The following RBFOX3 variants were observed in gnomAD, a reference collection of about 807,000 sequenced individuals.
RBFOX3 encodes RNA binding fox-1 homolog 3.
Under a neutral mutation model 48.7 loss-of-function variants are expected in RBFOX3, and 17 were observed. That is an observed-to-expected ratio of 0.35 (90% confidence interval 0.24 to 0.52). The LOEUF (loss-of-function observed/expected upper bound fraction) is 0.52. RBFOX3 is among the 20% of genes least tolerant of loss of function. The pLI, the probability that RBFOX3 is intolerant of heterozygous loss-of-function variation, is 0.94. For missense variants in RBFOX3, 382 were observed against 497.5 expected, an observed-to-expected ratio of 0.77 and a Z score of 2.21; for synonymous variants, 212 against 209.5, an observed-to-expected ratio of 1.01 and a Z score of -0.10.
In RBFOX3 at chr17:79,094,477, C is replaced by T. The variant is rs1003593947; in HGVS notation, c.1051G>A (p.Ala351Thr). The T allele has an allele frequency of 7.1e-6, 10 of 1,415,172 alleles. No individual in the cohort carries two copies. The Admixed American group carries it at 1.4e-4, about 19-fold the overall frequency. The allele number at this position is 1,415,172 out of a possible 1,614,324, so 87.7% of individuals were successfully genotyped here. ...ADPYHHTIGP[A>T]ATYSIGTM is the part of the protein sequence containing the mutation. ...ATGGTTCCAATGCTGTAGGTCGCCG[C>T]GGGCCCGATGGTGTGATGGTACGGG... The change falls in exon 14 of 15, where the codon GCG becomes ACG. Residue 351 changes from alanine (A) to threonine (T), a missense_variant. Transcript: ENST00000693108.
At chr17:79,444,917 C>T (rs1276766531) in intron 2 of RBFOX3, among the ~76,000 whole-genome samples, 1 of 152,096 alleles carries the variant, frequency 6.6e-6, no homozygotes, top group Non-Finnish European at 1.5e-5. Context: ...AAGAAACCCA[C>T]ACCCATTCAC....
At chr17:79,622,472 T>C in the RBFOX3 span, among the ~76,000 whole-genome samples, 1 of 152,086 alleles carries the variant, frequency 6.6e-6, no homozygotes, top group Non-Finnish European at 1.5e-5. Flanking sequence ...CAGGTCTGAG[T>C]TGGCTCAGGC....
the RBFOX3 span, among the ~76,000 whole-genome samples, chr17:79,620,880 T>C: frequency 1.3e-5 from 2 of 152,288 alleles, no homozygotes; most frequent in East Asian, 3.9e-4. Context: ...CACTGTGACG[T>C]CCTTAGCTGC....
rs60584351 is a variant in RBFOX3 at position 79,173,219 on chromosome 17, A to AATAC, written c.-33-57475_-33-57472dup. Among the ~76,000 whole-genome samples, 20 of 150,710 alleles carry AATAC rather than the reference A, an allele frequency of 1.3e-4. 1 individual carries two copies. Among genetic ancestry groups the AATAC allele is most frequent in the South Asian group, 6.3e-4 (3 of 4,732 alleles). On this transcript the variant is annotated intron_variant, in intron 4 of 14. Transcript: ENST00000693108. ...AACGAGACTGTCAAATAAATAAATAAATACATACATACATACATACGTACA... is the reference window on the plus strand; with the variant it reads ...AACGAGACTGTCAAATAAATAAATAAATACATACATACATACATACATACGTACA...
At position 79,582,263 on chromosome 17, in the gene RBFOX3, C is replaced by T. The variant is rs1214879673; in HGVS notation, c.-320+28563G>A. Among the ~76,000 whole-genome samples, 6 of 150,658 alleles carry T rather than the reference C, an allele frequency of 4.0e-5. 1 individual carries two copies. The highest frequency in any genetic ancestry group is 1.5e-4 in the African/African-American group (6 of 40,208). On this transcript the variant is annotated intron_variant, in intron 1 of 14. Transcript: ENST00000693108. Reference sequence around the variant, plus strand: ...CTGCCCATGTATGTGCCTGTGTATGCATGCATGTGCCTGTGTGTGCATCTG... The same window carrying T: ...CTGCCCATGTATGTGCCTGTGTATGTATGCATGTGCCTGTGTGTGCATCTG...
intron 2 of RBFOX3, among the ~76,000 whole-genome samples, chr17:79,360,640 T>C (rs1174037789): frequency 6.6e-6 from 1 of 152,002 alleles, no homozygotes; most frequent in East Asian, 1.9e-4. Flanking sequence ...AATCAGACCA[T>C]TAAAAAAAAC....
chr17:79,112,059 C>T (rs1030367650), intron 5 of RBFOX3, among the ~76,000 whole-genome samples: 4 of 152,226 alleles, frequency 2.6e-5, no homozygotes, highest in African/African-American at 2.4e-5. Flanking sequence ...TGAGCAGAGA[C>T]GCCCCTGCCC....
intron 1 of RBFOX3, among the ~76,000 whole-genome samples, chr17:79,530,382 G>C (rs902286659): frequency 3.3e-5 from 5 of 152,204 alleles, no homozygotes; most frequent in African/African-American, 1.2e-4. Flanking sequence ...TCCACCAACA[G>C]AGCGTTCTTG....
chr17:79,582,065 TGTGCCTGTGC>T (rs1267236038), intron 1 of RBFOX3, among the ~76,000 whole-genome samples: 6 of 150,346 alleles, frequency 4.0e-5, no homozygotes, highest in Non-Finnish European at 8.9e-5. Context: ...TGCCCATGTA[TGTGCCTGTGC>T]GTGCCTGTGT....
chr17:79,422,188 A>G (rs1598621920), intron 2 of RBFOX3, among the ~76,000 whole-genome samples: 1 of 151,726 alleles, frequency 6.6e-6, no homozygotes, highest in Admixed American at 6.6e-5. Flanking sequence ...GAAGGGAGAC[A>G]GGGAAACAGG....
intron 1 of RBFOX3, among the ~76,000 whole-genome samples, chr17:79,587,587 G>A (rs2093291535): frequency 1.3e-5 from 2 of 152,218 alleles, no homozygotes; most frequent in South Asian, 2.1e-4. Flanking sequence ...ACTCAGCCAG[G>A]ACCCTCAGCC....
rs189433760 is a variant in RBFOX3, at chr17:79,427,236, T to A, written c.-175+55218A>T. Reference sequence around the variant, plus strand: ...GATCCCAATCTGTCCGGGGAAGCAGTGCGGCCAGGGAGGCTCCATTCCACA... The same window carrying A: ...GATCCCAATCTGTCCGGGGAAGCAGAGCGGCCAGGGAGGCTCCATTCCACA... On this transcript the variant is annotated intron_variant, in intron 2 of 14. Coordinates refer to ENST00000693108, the MANE Select transcript of RBFOX3 (RefSeq NM_001350451.2). Among the ~76,000 whole-genome samples the A allele has an allele frequency of 3.6e-3, 548 of 152,264 alleles. 2 individuals are homozygous for A. Among genetic ancestry groups the A allele is most frequent in the African/African-American group, 0.013 (524 of 41,542 alleles).
the RBFOX3 span, among the ~76,000 whole-genome samples, chr17:79,660,487 T>A: frequency 1.1e-4 from 16 of 152,058 alleles, no homozygotes; most frequent in Admixed American, 6.6e-4. Context: ...AGGCAAGAGA[T>A]ATGAACAGAC....
intron 1 of RBFOX3, among the ~76,000 whole-genome samples, chr17:79,587,000 AT>A (rs2093270517): frequency 1.3e-5 from 2 of 152,254 alleles, no homozygotes; most frequent in African/African-American, 2.4e-5. Context: ...TGGAGGTAAA[AT>A]AAAAAATAGA....
chr17:79,549,579 C>T (rs1555792991), intron 1 of RBFOX3, among the ~76,000 whole-genome samples: 3 of 152,248 alleles, frequency 2.0e-5, no homozygotes, highest in Non-Finnish European at 4.4e-5. Context: ...TGATTCCAGC[C>T]TCCCACCCAA....
chr17:79,567,180 C>CTTTTTTTTTTTTT (rs1159762873), intron 1 of RBFOX3, among the ~76,000 whole-genome samples: 3 of 92,076 alleles, frequency 3.3e-5, no homozygotes, highest in Non-Finnish European at 6.1e-5. Flanking sequence ...TTCTTTCTTT[C>CTTTTTTTTTTTTT]TTTTTTTTTT....
At chr17:79,238,526 C>T (rs1390057558) in intron 3 of RBFOX3, among the ~76,000 whole-genome samples, 1 of 152,212 alleles carries the variant, frequency 6.6e-6, no homozygotes, top group African/African-American at 2.4e-5. Flanking sequence ...AGGCTCTATG[C>T]CCAAGCCCTT....
At chr17:79,137,494 G>A (rs558976834) in intron 4 of RBFOX3, among the ~76,000 whole-genome samples, 5 of 152,274 alleles carry the variant, frequency 3.3e-5, no homozygotes, top group East Asian at 3.9e-4. Context: ...CGCCTGCAGT[G>A]ATCGTGCACG....
intron 2 of RBFOX3, among the ~76,000 whole-genome samples, chr17:79,420,403 G>A (rs557218331): frequency 1.3e-5 from 2 of 152,306 alleles, no homozygotes; most frequent in East Asian, 1.9e-4. Flanking sequence ...CCCCACCCAC[G>A]AAGGGAGCAT....
Sources: gnomAD v4.1 joint callset for allele counts (sites outside exome capture counted in the v4.1 genomes callset) on GRCh38, gnomAD v4.1.1 for gene constraint, MANE v1.5 for transcripts, NCBI Gene and HGNC (gene_info 2026-07-23, HGNC 2026-07-21) for gene names.